The following DDR2 variants were observed in gnomAD, a reference collection of about 807,000 sequenced individuals.
The protein encoded by DDR2 is discoidin domain-containing receptor 2.
A neutral mutation model predicts 94.9 loss-of-function variants in DDR2; 27 were observed. The ratio of observed to expected loss-of-function variants is 0.28; its 90% confidence interval spans 0.21 to 0.39. DDR2 has a LOEUF of 0.39. Among genes scored for constraint, DDR2 ranks in the 10% least tolerant of loss-of-function variants. The pLI, the probability that DDR2 is intolerant of heterozygous loss-of-function variation, is 1.00. For missense variants in DDR2, 783 were observed against 1,076.0 expected (o/e 0.73, Z 3.81); for synonymous variants, 382 against 377.2 (o/e 1.01, Z -0.15).
intron 3 of DDR2, among the ~76,000 whole-genome samples, chr1:162,728,236 A>G (rs545692341): frequency 6.8e-6 from 1 of 147,540 alleles, no homozygotes; most frequent in East Asian, 2.0e-4. Context: ...ATATATCTTT[A>G]TATATATACA....
chr1:162,749,207 G>A lies in DDR2; in HGVS notation c.83-3888G>A, dbSNP rs564660476. Reference sequence around the variant, plus strand: ...ACAAAAAACCCTTCAAAAAATCAATGAATCCAGGAGCTGGTTTTTTGAAAA... The same window carrying A: ...ACAAAAAACCCTTCAAAAAATCAATAAATCCAGGAGCTGGTTTTTTGAAAA... On this transcript the variant is annotated intron_variant, in intron 3 of 17. Coordinates refer to ENST00000367921, the MANE Select transcript of DDR2 (RefSeq NM_006182.4). Among the ~76,000 whole-genome samples, 39 of 152,210 alleles carry A rather than the reference G, an allele frequency of 2.6e-4. 1 individual carries two copies. The South Asian group carries it at 3.3e-3, about 13-fold the overall frequency.
chr1:162,687,294 C>T (rs1409205831), intron 2 of DDR2, among the ~76,000 whole-genome samples: 1 of 152,184 alleles, frequency 6.6e-6, no homozygotes, highest in Non-Finnish European at 1.5e-5. Flanking sequence ...GCCCAGTGGC[C>T]TGGTCTTAAG....
At chr1:162,699,747 G>C (rs930050552) in intron 2 of DDR2, among the ~76,000 whole-genome samples, 1 of 151,968 alleles carries the variant, frequency 6.6e-6, no homozygotes, top group South Asian at 2.1e-4. Context: ...TATTATTTCC[G>C]AATATGCCAT....
chr1:162,680,135 A>G (rs1659333147), intron 2 of DDR2, among the ~76,000 whole-genome samples: 1 of 151,986 alleles, frequency 6.6e-6, no homozygotes, highest in African/African-American at 2.4e-5. Context: ...AATCTTTTTA[A>G]TTAGTTCTCA....
chr1:162,730,040 C>CTTT (rs543854413), intron 3 of DDR2, among the ~76,000 whole-genome samples: 42 of 53,760 alleles, frequency 7.8e-4, no homozygotes, highest in African/African-American at 1.2e-3. Context: ...CCATGCCTGG[C>CTTT]TTTTTTTTTT....
At chr1:162,752,867 T>C (rs1358485005) in intron 3 of DDR2, among the ~76,000 whole-genome samples, 2 of 152,084 alleles carry the variant, frequency 1.3e-5, no homozygotes, top group African/African-American at 2.4e-5. Context: ...AACCAAAATA[T>C]AGATTTGGCT....
chr1:162,666,356 C>T (rs904060836), intron 2 of DDR2, among the ~76,000 whole-genome samples: 12 of 152,132 alleles, frequency 7.9e-5, no homozygotes, highest in Non-Finnish European at 1.2e-4. Flanking sequence ...GCTAAACACA[C>T]GGTAGACATT....
chr1:162,686,445 C>T (rs952717384), intron 2 of DDR2, among the ~76,000 whole-genome samples: 2 of 152,160 alleles, frequency 1.3e-5, no homozygotes, highest in Admixed American at 6.5e-5. Flanking sequence ...TCAACTCCCA[C>T]TTATGAGTGA....
At chr1:162,715,644 C>T (rs1661132016) in intron 2 of DDR2, among the ~76,000 whole-genome samples, 2 of 152,178 alleles carry the variant, frequency 1.3e-5, no homozygotes, top group Non-Finnish European at 2.9e-5. Flanking sequence ...TTTGAAGTAA[C>T]ACAAGCCTTA....
At chr1:162,709,680 A>G (rs1660811469) in intron 2 of DDR2, among the ~76,000 whole-genome samples, 1 of 152,200 alleles carries the variant, frequency 6.6e-6, no homozygotes, top group African/African-American at 2.4e-5. Context: ...CATGCTTCCA[A>G]GGGCTGCGGA....
chr1:162,773,119 T>C (rs187656330), intron 13 of DDR2, among the ~76,000 whole-genome samples: 1 of 152,344 alleles, frequency 6.6e-6, no homozygotes, highest in African/African-American at 2.4e-5. Context: ...CCTTACGTTT[T>C]ACATGATCCA....
intron 3 of DDR2, among the ~76,000 whole-genome samples, chr1:162,730,126 G>A (rs1346630048): frequency 2.6e-5 from 4 of 151,634 alleles, no homozygotes; most frequent in African/African-American, 7.3e-5. Flanking sequence ...TGGGAAGCTG[G>A]GAAGGAACCC....
intron 2 of DDR2, among the ~76,000 whole-genome samples, chr1:162,683,832 T>C (rs1264254534): frequency 1.3e-5 from 2 of 152,150 alleles, no homozygotes; most frequent in African/African-American, 4.8e-5. Flanking sequence ...ACATTTAATA[T>C]AATTCCTACC....
chr1:162,718,804 T>C (rs1457384664), intron 2 of DDR2, among the ~76,000 whole-genome samples: 1 of 152,180 alleles, frequency 6.6e-6, no homozygotes, highest in Non-Finnish European at 1.5e-5. Context: ...TTTTGCTAAT[T>C]TAAATTTCAT....
chr1:162,677,524 C>A (rs975704671), intron 2 of DDR2, among the ~76,000 whole-genome samples: 1 of 152,066 alleles, frequency 6.6e-6, no homozygotes, highest in Non-Finnish European at 1.5e-5. Context: ...CGTGGATAAC[C>A]CCAGGAAAAA....
intron 2 of DDR2, among the ~76,000 whole-genome samples, chr1:162,669,498 A>G (rs1357077106): frequency 2.6e-5 from 4 of 152,208 alleles, no homozygotes; most frequent in African/African-American, 7.2e-5. Context: ...TGAATGTTAC[A>G]TGGCTTTTTA....
intron 7 of DDR2, among the ~76,000 whole-genome samples, 174 bp downstream of exon 7, chr1:162,755,943 A>T (rs981256563): frequency 6.6e-6 from 1 of 152,324 alleles, no homozygotes; most frequent in East Asian, 1.9e-4. Context: ...TTTCCAGGGA[A>T]CTTAAAGCCC....
rs1216351050 is a variant in DDR2, at chr1:162,775,682, G to C, written c.1887G>C (p.Met629Ile). The change falls in exon 15 of 18, where the codon ATG becomes ATC. Residue 629 changes from methionine (M) to isoleucine (I), a missense_variant. By Grantham distance (10) the Met-to-Ile change is conservative. Around this residue, in one of 2 missense-constraint regions of DDR2, gnomAD observed 264 missense variants for 428.2 expected, o/e 0.62. Transcript: ENST00000367921. ...RNDFLKEIKI[M>I]SRLKDPNIIH... ...ATTTTCTTAAGGAGATAAAGATCAT[G>C]TCTCGGCTCAAGGACCCAAACATCA... is the stretch of plus-strand genomic sequence containing the variant. The C allele has an allele frequency of 6.2e-7, 1 of 1,614,094 alleles. No homozygotes were observed. The highest frequency in any genetic ancestry group is 1.7e-5 in the Admixed American group (1 of 60,014).
At chr1:162,690,062 T>G (rs542664795) in intron 2 of DDR2, among the ~76,000 whole-genome samples, 1 of 151,784 alleles carries the variant, frequency 6.6e-6, no homozygotes, top group South Asian at 2.1e-4. Flanking sequence ...ACTACTTTAT[T>G]TAGTCCTGTC....
Sources: allele counts gnomAD v4.1 joint callset (sites outside exome capture counted in the v4.1 genomes callset), GRCh38; gene constraint gnomAD v4.1.1; regional missense constraint gnomAD v4.1.1; transcripts MANE v1.5; gene names NCBI Gene and HGNC (gene_info 2026-07-23, HGNC 2026-07-21).